The following HEMK1 variants were observed in gnomAD, a reference collection of about 807,000 sequenced individuals.
HEMK1 encodes MTRF1L release factor glutamine methyltransferase.
A neutral mutation model predicts 47.9 loss-of-function variants in HEMK1; 36 were observed. That is an observed-to-expected ratio of 0.75 (90% CI 0.58 to 0.99). The LOEUF (loss-of-function observed/expected upper bound fraction) is 0.99. Ranked by LOEUF, HEMK1 falls within the 50% of genes least tolerant of loss-of-function variation. HEMK1 has a pLI of 0.00. For missense variants in HEMK1, 383 were observed against 434.5 expected (o/e 0.88, Z 1.05); for synonymous variants, 153 against 165.4 (o/e 0.93, Z 0.57).
chr3:50,580,471 G>A lies in HEMK1; in HGVS notation c.*54G>A. The A allele has an allele frequency of 6.3e-7, 1 of 1,584,252 alleles. No homozygotes were observed. Among genetic ancestry groups the A allele is most frequent in the Non-Finnish European group, 8.7e-7 (1 of 1,153,760 alleles). ...TGCCGCCAGCCTGACCAGAGGGGAG[G>A]TGGATGGCACTTTCCAGAGCCCAGG... On this transcript the variant is annotated 3_prime_UTR_variant, in exon 11 of 11. Transcript: ENST00000232854.
intron 4 of HEMK1, among the ~76,000 whole-genome samples, chr3:50,576,454 C>T (rs958217089): frequency 6.6e-6 from 1 of 152,204 alleles, no homozygotes; most frequent in African/African-American, 2.4e-5. Flanking sequence ...GGCTGGAGTG[C>T]AGTGGCGCGA....
chr3:50,588,491 C>CT lies in HEMK1; in HGVS notation c.*8075dup, dbSNP rs2031530006. The CT allele has an allele frequency of 6.6e-6, 1 of 152,272 alleles. No individual in the cohort carries two copies. The highest frequency in any genetic ancestry group is 1.5e-5 in the Non-Finnish European group (1 of 68,062). 9.4% of individuals were successfully genotyped at this position (152,272 alleles called of 1,614,324 possible). ...TTAGGTGCCCCACAGCCAACGTGGGCTCCAGGGTGAAGGGGAAAGTGATGA... is the reference window on the plus strand; with the variant it reads ...TTAGGTGCCCCACAGCCAACGTGGGCTTCCAGGGTGAAGGGGAAAGTGATGA... On this transcript the variant is annotated 3_prime_UTR_variant, in exon 11 of 11. Coordinates refer to ENST00000232854, the MANE Select transcript of HEMK1 (RefSeq NM_016173.5).
Position 50,571,290 on chromosome 3 carries a change from A to G in HEMK1, c.186A>G (p.Glu62=), listed in dbSNP as rs748030785. The G allele has an allele frequency of 8.1e-6, 13 of 1,611,866 alleles. No individual in the cohort carries two copies. Among genetic ancestry groups the G allele is most frequent in the Non-Finnish European group, 1.0e-5 (12 of 1,178,860 alleles). The change falls in exon 2 of 11, where the codon GAA becomes GAG. Residue 62 remains glutamate, a synonymous_variant. Transcript: ENST00000232854. The stretch of plus-strand genomic sequence containing the variant: ...AGAGGGGTATCCCTGAGGCCCGGGA[A>G]TCCAGTGAGTACATCGTGGCTCATG... The part of the protein sequence containing the change: ...FEKRGIPEAR[E]SSEYIVAHVL...
In HEMK1 at chr3:50,580,667, G is replaced by C. The variant is rs1257232708; in HGVS notation, c.*250G>C. 1.8e-6 allele frequency: 1 copy of C among 568,942 alleles called. No individual in the cohort carries two copies. The highest frequency in any genetic ancestry group is 3.1e-6 in the Non-Finnish European group (1 of 320,090). The allele number at this position is 568,942 out of a possible 1,614,324, so 35.2% of individuals were successfully genotyped here. On this transcript the variant is annotated 3_prime_UTR_variant, in exon 11 of 11. Transcript: ENST00000232854. ...GGATATGGCCAGTAAAGTATTGAGA[G>C]ACTAACAAATGGTGACCTAATGTTT... is the stretch of plus-strand genomic sequence containing the variant.
At chr3:50,577,483 A>T (rs1185978628) in intron 5 of HEMK1, 26 bp from the exon 6 acceptor site, 3 of 1,611,138 alleles carry the variant, frequency 1.9e-6, no homozygotes, top group Non-Finnish European at 2.5e-6. Flanking sequence ...TGCCTTCCAC[A>T]TATCCTCTGT....
Position 50,587,363 on chromosome 3 carries a change from A to G in HEMK1, c.*6946A>G, listed in dbSNP as rs2031445112. On this transcript the variant is annotated 3_prime_UTR_variant, in exon 11 of 11. Transcript: ENST00000232854. This position sits in a 1 kb window ranked among gnomAD's most constrained non-coding sequence, Gnocchi z 4.2. The stretch of plus-strand genomic sequence containing the variant: ...TGTCAGGCACCAGGGAGATGATACC[A>G]AGTGGAGGGTCCTATAGAATATGGT... 6.6e-6 allele frequency: 1 copy of G among 152,244 alleles called. No individual in the cohort carries two copies. The highest frequency in any genetic ancestry group is 2.4e-5 in the African/African-American group (1 of 41,436). The allele number at this position is 152,244 out of a possible 1,614,324, so 9.4% of individuals were successfully genotyped here.
In HEMK1 at chr3:50,580,576, T is replaced by A. The variant is rs755653068; in HGVS notation, c.*159T>A. 6.7e-6 allele frequency: 5 copies of A among 742,782 alleles called. No homozygotes were observed. Among genetic ancestry groups the A allele is most frequent in the Non-Finnish European group, 1.1e-5 (5 of 455,538 alleles). 46.0% of individuals were successfully genotyped at this position (742,782 alleles called of 1,614,324 possible). A position where few individuals can be genotyped will look rare whatever the true frequency, so the allele number is the denominator to read the frequency against. ...ATATTTCTAGGACACCTGGATTGGCTCCATCACATCAGAGTGGCTGAGGGC... is the reference window on the plus strand; with the variant it reads ...ATATTTCTAGGACACCTGGATTGGCACCATCACATCAGAGTGGCTGAGGGC... On this transcript the variant is annotated 3_prime_UTR_variant, in exon 11 of 11. Transcript: ENST00000232854.
intron 8 of HEMK1, 130 bp from the exon 9 acceptor site, chr3:50,579,714 C>T (rs2030461551): frequency 1.5e-6 from 1 of 654,934 alleles, no homozygotes; most frequent in Non-Finnish European, 2.7e-6. Context: ...TTCTCTGGGT[C>T]CTCAGATTTG....
chr3:50,580,594 C>T lies in HEMK1; in HGVS notation c.*177C>T. ...GATTGGCTCCATCACATCAGAGTGG[C>T]TGAGGGCAGTTGCTCTGTGTTGGTG... On this transcript the variant is annotated 3_prime_UTR_variant, in exon 11 of 11. Transcript: ENST00000232854. The T allele has an allele frequency of 1.5e-6, 1 of 658,578 alleles. No individual in the cohort carries two copies. The highest frequency in any genetic ancestry group is 1.9e-5 in the South Asian group (1 of 52,508). The allele number at this position is 658,578 out of a possible 1,614,324, so 40.8% of individuals were successfully genotyped here.
At chr3:50,572,566 G>T (rs954397923) in intron 4 of HEMK1, among the ~76,000 whole-genome samples, 13 of 152,226 alleles carry the variant, frequency 8.5e-5, no homozygotes, top group African/African-American at 2.9e-4. Context: ...TTCTCAGGAG[G>T]CATGGAGGAA....
Position 50,595,659 on chromosome 3 carries a change from T to C in HEMK1, c.*15242T>C, listed in dbSNP as rs1210097813. 2 of 152,206 alleles carry C rather than the reference T, an allele frequency of 1.3e-5. No individual in the cohort carries two copies. Among genetic ancestry groups the C allele is most frequent in the African/African-American group, 4.8e-5 (2 of 41,456 alleles). 9.4% of individuals were successfully genotyped at this position (152,206 alleles called of 1,614,324 possible). On this transcript the variant is annotated 3_prime_UTR_variant, in exon 11 of 11. Transcript: ENST00000232854. ...GCCTCTACTGGCAAGTGTGCAGAAA[T>C]AGGAGAGAACCATGGGGAATTGTCT... is the stretch of plus-strand genomic sequence containing the variant.
rs1054268502 is a variant in HEMK1 at position 50,582,666 on chromosome 3, C to T, written c.*2249C>T. The T allele has an allele frequency of 2.6e-5, 4 of 152,290 alleles. No homozygotes were observed. The highest frequency in any genetic ancestry group is 9.6e-5 in the African/African-American group (4 of 41,470). 9.4% of individuals were successfully genotyped at this position (152,290 alleles called of 1,614,324 possible). On this transcript the variant is annotated 3_prime_UTR_variant, in exon 11 of 11. Transcript: ENST00000232854. Reference sequence around the variant, plus strand: ...ACAGGGAGGAAGGACCCAGTGCCCTCAGGCGTCCATCTGATGCATGGGACC... The same window carrying T: ...ACAGGGAGGAAGGACCCAGTGCCCTTAGGCGTCCATCTGATGCATGGGACC...
chr3:50,571,588 G>A, intron 2 of HEMK1, 122 bp from the exon 3 acceptor site: 1 of 935,384 alleles, frequency 1.1e-6, no homozygotes, highest in Non-Finnish European at 1.7e-6. Flanking sequence ...CCCCCTCTGG[G>A]CCCAGATGAT....
intron 4 of HEMK1, among the ~76,000 whole-genome samples, chr3:50,572,545 C>G (rs965437072): frequency 6.6e-6 from 1 of 152,244 alleles, no homozygotes; most frequent in Non-Finnish European, 1.5e-5. Flanking sequence ...GAACAAATGT[C>G]TTCCAGCAGC....
In HEMK1 at chr3:50,571,013, C is replaced by G. The variant is rs1700890989; in HGVS notation, c.-92C>G. 1 of 978,308 alleles carries G rather than the reference C, an allele frequency of 1.0e-6. No homozygotes were observed. Among genetic ancestry groups the G allele is most frequent in the Non-Finnish European group, 1.5e-6 (1 of 662,498 alleles). The allele number at this position is 978,308 out of a possible 1,614,324, so 60.6% of individuals were successfully genotyped here. A position where few individuals can be genotyped will look rare whatever the true frequency, so the allele number is the denominator to read the frequency against. ...CCTCTCCATCTCCACCCAGCTGGGT[C>G]CAGGGGCCACTCTCAGCACTCACCT... is the stretch of plus-strand genomic sequence containing the variant. On this transcript the variant is annotated 5_prime_UTR_variant, in exon 2 of 11. Transcript: ENST00000232854.
intron 3 of HEMK1, 55 bp downstream of exon 3, chr3:50,571,856 C>T (rs923307694): frequency 6.5e-7 from 1 of 1,537,340 alleles, no homozygotes; most frequent in East Asian, 2.2e-5. Flanking sequence ...GCAGTCCAGC[C>T]TCCCCTATCC....
rs564721911 is a variant in HEMK1, at chr3:50,583,440, G to A, written c.*3023G>A. On this transcript the variant is annotated 3_prime_UTR_variant, in exon 11 of 11. Transcript: ENST00000232854. ...TCCTATGGAATCCAGTTCTGAAGAGGTGGGGGAGGACAACTGTGGGAAAAG... is the reference window on the plus strand; with the variant it reads ...TCCTATGGAATCCAGTTCTGAAGAGATGGGGGAGGACAACTGTGGGAAAAG... 7.9e-5 allele frequency: 12 copies of A among 152,404 alleles called. No homozygotes were observed. Among genetic ancestry groups the A allele is most frequent in the Admixed American group, 5.9e-4 (9 of 15,298 alleles). The allele number at this position is 152,404 out of a possible 1,614,324, so 9.4% of individuals were successfully genotyped here.
rs1200978257 is a variant in HEMK1, at chr3:50,595,796, A to G, written c.*15379A>G. The G allele has an allele frequency of 1.3e-5, 2 of 152,104 alleles. No individual in the cohort carries two copies. Among genetic ancestry groups the G allele is most frequent in the African/African-American group, 2.4e-5 (1 of 41,396 alleles). 9.4% of individuals were successfully genotyped at this position (152,104 alleles called of 1,614,324 possible). On this transcript the variant is annotated 3_prime_UTR_variant, in exon 11 of 11. Transcript: ENST00000232854. ...AAAAAACCCAAGATAGAGAGACAAC[A>G]CTATATAGGCATCGATGTATTTCTG... is the stretch of plus-strand genomic sequence containing the variant.
At position 50,579,972 on chromosome 3, in the gene HEMK1, C is replaced by T. The variant is rs762171301; in HGVS notation, c.866+33C>T. 3.8e-6 allele frequency: 6 copies of T among 1,577,030 alleles called. No homozygotes were observed. In the African/African-American group the frequency reaches 8.1e-5, roughly 21 times the overall value. On this transcript the variant is annotated intron_variant, in intron 9 of 10. Coordinates refer to ENST00000232854, the MANE Select transcript of HEMK1 (RefSeq NM_016173.5). ...TGGGATGGGTCTCCTAGGTCTGTCCCCAGCAGGCTCCTCTGCTCCTAATGT... is the reference window on the plus strand; with the variant it reads ...TGGGATGGGTCTCCTAGGTCTGTCCTCAGCAGGCTCCTCTGCTCCTAATGT...
Sources: gnomAD v4.1 joint callset for allele counts (sites outside exome capture counted in the v4.1 genomes callset) on GRCh38, gnomAD v4.1.1 for gene constraint, Gnocchi (gnomAD v3.1) non-coding constraint, MANE v1.5 for transcripts, NCBI Gene and HGNC (gene_info 2026-07-23, HGNC 2026-07-21) for gene names.